Variants in IRAK1BP1 observed in about 807,000 individuals in gnomAD.
The protein encoded by IRAK1BP1 is interleukin-1 receptor-associated kinase 1-binding protein 1.
Under a neutral mutation model 28.0 loss-of-function variants are expected in IRAK1BP1, and 24 were observed. The ratio of observed to expected loss-of-function variants is 0.86; its 90% CI spans 0.62 to 1.20. The LOEUF is 1.20. Ranked by LOEUF, IRAK1BP1 falls within the 50% of genes most tolerant of loss-of-function variation. The pLI, the probability that IRAK1BP1 is intolerant of heterozygous loss-of-function variation, is 0.00. For missense variants in IRAK1BP1, 336 were observed against 316.7 expected, an observed-to-expected ratio of 1.06 and a Z score of -0.46; for synonymous variants, 131 against 116.3, an observed-to-expected ratio of 1.13 and a Z score of -0.81.
chr6:78,957,571 A>G, the IRAK1BP1 span: 1 of 150,554 alleles, frequency 6.6e-6, no homozygotes, highest in African/African-American at 2.4e-5. Flanking sequence ...TGAAGCAGGG[A>G]TGTTTATTAA....
At chr6:78,897,983 T>A (rs1490863099) in intron 3 of IRAK1BP1, 24 bp downstream of exon 3, 1 of 1,611,540 alleles carries the variant, frequency 6.2e-7, no homozygotes. Context: ...CATCTTTAAC[T>A]AAGATATTCT....
intron 4 of IRAK1BP1, among the ~76,000 whole-genome samples, chr6:78,909,433 C>T (rs988814013): frequency 1.3e-5 from 2 of 152,210 alleles, no homozygotes; most frequent in African/African-American, 4.8e-5. Context: ...CCTAGCTTCT[C>T]TCAGCAATTT....
chr6:78,954,943 T>C, the IRAK1BP1 span: 1 of 1,570,384 alleles, frequency 6.4e-7, no homozygotes, highest in Non-Finnish European at 8.6e-7. Context: ...TATTACGTAA[T>C]CTTCTTCTAG....
chr6:78,945,489 T>C (rs1276924432), exon 5 of IRAK1BP1: 1 of 1,592,872 alleles, frequency 6.3e-7, no homozygotes, highest in Non-Finnish European at 8.6e-7. Context: ...TTCACAGAAT[T>C]CTCTAGTACT....
intron 4 of IRAK1BP1, among the ~76,000 whole-genome samples, chr6:78,925,819 G>A (rs895633007): frequency 1.3e-5 from 2 of 152,056 alleles, no homozygotes; most frequent in African/African-American, 4.8e-5. Context: ...AGTGGATAAA[G>A]AAAATATGGT....
chr6:78,973,132 G>C, the IRAK1BP1 span, among the ~76,000 whole-genome samples: 1 of 152,114 alleles, frequency 6.6e-6, no homozygotes, highest in African/African-American at 2.4e-5. Flanking sequence ...AGAGAGAAAG[G>C]TCGGGTTACG....
intron 1 of IRAK1BP1, chr6:78,871,571 T>G (rs1383381300): frequency 1.0e-6 from 1 of 978,582 alleles, no homozygotes; most frequent in East Asian, 1.1e-4. Flanking sequence ...AAATGTTTGT[T>G]TCCCCCCAAA....
At chr6:78,948,151 C>T (rs1367489026), downstream of IRAK1BP1, among the ~76,000 whole-genome samples, 1 of 152,116 alleles carries the variant, frequency 6.6e-6, no homozygotes, top group Non-Finnish European at 1.5e-5. Context: ...AAAGGTCTGA[C>T]TCATTAAAAC....
chr6:78,918,472 T>G (rs183989083), intron 4 of IRAK1BP1, among the ~76,000 whole-genome samples: 9 of 146,010 alleles, frequency 6.2e-5, no homozygotes, highest in Admixed American at 3.6e-4. Context: ...ATGACACTCA[T>G]AGGCTCAGAG....
At chr6:78,877,939 G>C (rs1434258405) in intron 1 of IRAK1BP1, among the ~76,000 whole-genome samples, 4 of 151,910 alleles carry the variant, frequency 2.6e-5, no homozygotes, top group African/African-American at 9.7e-5. Context: ...AGTGAGGGAG[G>C]GGGAGGGGCT....
At chr6:78,960,901 AAAG>A in the IRAK1BP1 span, among the ~76,000 whole-genome samples, 2 of 152,172 alleles carry the variant, frequency 1.3e-5, no homozygotes, top group Non-Finnish European at 2.9e-5. Flanking sequence ...TCTATGTTAA[AAAG>A]AAGAATAACG....
At chr6:78,945,994 G>A (rs1209312885) in exon 5 of IRAK1BP1, 2 of 1,592,518 alleles carry the variant, frequency 1.3e-6, no homozygotes, top group East Asian at 2.2e-5. Flanking sequence ...TAGAAAGTGA[G>A]TCTTACTTGT....
At chr6:78,941,369 CTT>C in intron 4 of IRAK1BP1, 1 of 1,514,082 alleles carries the variant, frequency 6.6e-7, no homozygotes, top group Admixed American at 2.1e-5. Context: ...TATGGAGTTT[CTT>C]TTTTTGTTTG....
chr6:78,883,031 A>G (rs1771285767), intron 1 of IRAK1BP1, among the ~76,000 whole-genome samples: 1 of 152,120 alleles, frequency 6.6e-6, no homozygotes, highest in Non-Finnish European at 1.5e-5. Context: ...CTAAGGTGGA[A>G]GGATCACTTG....
At chr6:78,950,403 A>G (rs1005078407), downstream of IRAK1BP1, among the ~76,000 whole-genome samples, 5 of 152,192 alleles carry the variant, frequency 3.3e-5, no homozygotes, top group Non-Finnish European at 7.4e-5. Context: ...ATCTTCTGGA[A>G]GAGATTGTGT....
chr6:78,880,374 G>C (rs1771183584), intron 1 of IRAK1BP1, among the ~76,000 whole-genome samples: 1 of 152,158 alleles, frequency 6.6e-6, no homozygotes, highest in Non-Finnish European at 1.5e-5. Flanking sequence ...GAATTTTTGA[G>C]CTTTTCGAAT....
intron 2 of IRAK1BP1, among the ~76,000 whole-genome samples, chr6:78,896,987 G>C (rs986281948): frequency 6.6e-6 from 1 of 152,034 alleles, no homozygotes; most frequent in Non-Finnish European, 1.5e-5. Flanking sequence ...GGTTTAGGCT[G>C]CGTGTGGTGT....
At chr6:78,937,358 A>G (rs1773312904) in intron 4 of IRAK1BP1, 1 of 151,744 alleles carries the variant, frequency 6.6e-6, no homozygotes, top group Non-Finnish European at 1.5e-5. Context: ...AAACATGTAA[A>G]TGCTGCTAAC....
chr6:78,904,632 A>C (rs1002234005), downstream of IRAK1BP1, among the ~76,000 whole-genome samples: 4 of 152,190 alleles, frequency 2.6e-5, no homozygotes, highest in African/African-American at 9.6e-5. Flanking sequence ...CTTCCATTGA[A>C]TCAGTCATAT....
Sources: allele counts gnomAD v4.1 joint callset (sites outside exome capture counted in the v4.1 genomes callset), GRCh38; gene constraint gnomAD v4.1.1; transcripts MANE v1.5; gene names NCBI Gene and HGNC (gene_info 2026-07-23, HGNC 2026-07-21).